The following CCT8L2 variants were observed in gnomAD, a reference collection of about 807,000 sequenced individuals.
CCT8L2 encodes chaperonin containing TCP1 subunit 8 like 2.
Under a neutral mutation model 31.5 loss-of-function variants are expected in CCT8L2, and 29 were observed. That is an observed-to-expected ratio of 0.92 (90% CI 0.68 to 1.25). The LOEUF (loss-of-function observed/expected upper bound fraction) is 1.25, where lower values mean the gene tolerates loss of function less well. Among genes scored for constraint, CCT8L2 ranks in the 50% most tolerant of loss-of-function variants. The pLI is 0.00. For synonymous variants in CCT8L2, 256 were observed against 290.1 expected, an observed-to-expected ratio of 0.88 and a Z score of 1.19; for missense variants, 589 against 695.7, an observed-to-expected ratio of 0.85 and a Z score of 1.73.
In CCT8L2 at chr22:16,590,792, A is replaced by C; in HGVS notation, c.*85T>G. The C allele has an allele frequency of 2.0e-6, 2 of 996,090 alleles. No individual in the cohort carries two copies. The highest frequency in any genetic ancestry group is 1.6e-5 in the South Asian group (1 of 62,494). The allele number at this position is 996,090 out of a possible 1,614,324, so 61.7% of individuals were successfully genotyped here. A position where few individuals can be genotyped will look rare whatever the true frequency, so the allele number is the denominator to read the frequency against. On this transcript the variant is annotated 3_prime_UTR_variant, in exon 1 of 1. Transcript: ENST00000359963. ...GTTTTTATTTAAAGAAAGTGAATCA[A>C]GTACCAAACACGGAATAAAGGCAAA...
chr22:16,592,544 T>C lies in CCT8L2; in HGVS notation c.7A>G (p.Ser3Gly). 2 of 1,607,960 alleles carry C rather than the reference T, an allele frequency of 1.2e-6. No homozygotes were observed. Among genetic ancestry groups the C allele is most frequent in the East Asian group, 2.2e-5 (1 of 44,802 alleles). ...AGCTCCAGGGCTGAAGGGACTGTGC[T>C]GTCCATGGCCCGCAGAGAGAGGAGA... Reference protein sequence around the residue: MDSTVPSALELPQ... With the variant: MDGTVPSALELPQ... The change falls in exon 1 of 1, where the codon AGC becomes GGC. Residue 3 changes from serine to glycine, a missense_variant. Ser to Gly is a moderately conservative substitution (Grantham distance 56). Coordinates refer to ENST00000359963, the MANE Select transcript of CCT8L2 (RefSeq NM_014406.5).
Position 16,591,983 on chromosome 22 carries a change from C to T in CCT8L2, c.568G>A (p.Ala190Thr), listed in dbSNP as rs748747595. The stretch of plus-strand genomic sequence containing the variant: ...AAGCTGCCGTCTAGTTCCTTGATAG[C>T]CCAGCAGGCGTGGGCCACCAGCTTG... Reference protein sequence around the residue: ...LTKLVAHACWAIKELDGSFKP... With the variant: ...LTKLVAHACWTIKELDGSFKP... The change falls in exon 1 of 1, where the codon GCT (alanine) becomes ACT (threonine). Residue 190 changes from alanine to threonine, a missense_variant. Coordinates refer to ENST00000359963, the MANE Select transcript of CCT8L2 (RefSeq NM_014406.5). 96 of 1,614,056 alleles carry T rather than the reference C, an allele frequency of 5.9e-5. No homozygotes were observed. The highest frequency in any genetic ancestry group is 7.6e-5 in the Non-Finnish European group (90 of 1,180,034).
In CCT8L2 at chr22:16,591,653, C is replaced by T. The variant is rs199723440; in HGVS notation, c.898G>A (p.Asp300Asn). 61 of 1,614,092 alleles carry T rather than the reference C, an allele frequency of 3.8e-5. No individual in the cohort carries two copies. The highest frequency in any genetic ancestry group is 3.3e-4 in the Middle Eastern group (2 of 6,084). The part of the protein sequence containing the change: ...INVAVVLGEV[D>N]EETLTLADKY... ...TCCGCCAGTGTGAGGGTCTCCTCGTCGACCTCCCCCAACACCACTGCCACA... is the reference window on the plus strand; with the variant it reads ...TCCGCCAGTGTGAGGGTCTCCTCGTTGACCTCCCCCAACACCACTGCCACA... Residue 300 changes from aspartate to asparagine, a missense_variant, in exon 1 of 1, where the codon GAC (aspartate) becomes AAC (asparagine). Coordinates refer to ENST00000359963, the MANE Select transcript of CCT8L2 (RefSeq NM_014406.5).
Position 16,591,957 on chromosome 22 carries a change from G to C in CCT8L2, c.594C>G (p.Phe198Leu). The C allele has an allele frequency of 8.7e-6, 14 of 1,614,136 alleles. No homozygotes were observed. The highest frequency in any genetic ancestry group is 1.1e-5 in the Non-Finnish European group (13 of 1,180,010). ...CWAIKELDGS[F>L]KPERVGVCAL... Reference sequence around the variant, plus strand: ...CGCACACCCCAACACGCTCAGGCTTGAAGCTGCCGTCTAGTTCCTTGATAG... The same window carrying C: ...CGCACACCCCAACACGCTCAGGCTTCAAGCTGCCGTCTAGTTCCTTGATAG... Residue 198 changes from phenylalanine (F) to leucine (L), a missense_variant, in exon 1 of 1, where the codon TTC (phenylalanine) becomes TTG (leucine). Coordinates refer to ENST00000359963, the MANE Select transcript of CCT8L2 (RefSeq NM_014406.5).
At position 16,591,231 on chromosome 22, in the gene CCT8L2, T is replaced by C; in HGVS notation, c.1320A>G (p.Ala440=). ...GAAGATACTTCAGGGCCCAGGCAAA[T>C]GCTAGGAATGCAGGCCCACTGGGCC... ...LEGPSGPAFL[A]FAWALKYLPK... Residue 440 remains alanine, a synonymous_variant, in exon 1 of 1, where the codon GCA becomes GCG. Transcript: ENST00000359963. 1.9e-6 allele frequency: 3 copies of C among 1,614,050 alleles called. No individual in the cohort carries two copies. The highest frequency in any genetic ancestry group is 2.5e-6 in the Non-Finnish European group (3 of 1,179,880).
Position 16,592,019 on chromosome 22 carries a change from C to T in CCT8L2, c.532G>A (p.Asp178Asn), listed in dbSNP as rs1383417346. ...TGGGCCACCAGCTTGGTCAAGTGGT[C>T]CATGGGGGACAGGGTGTGGGTATTC... ...VMNTHTLSPM[D>N]HLTKLVAHAC... Residue 178 changes from aspartate to asparagine, a missense_variant, in exon 1 of 1, where the codon GAC (aspartate) becomes AAC (asparagine). Coordinates refer to ENST00000359963, the MANE Select transcript of CCT8L2 (RefSeq NM_014406.5). 1 of 1,614,144 alleles carries T rather than the reference C, an allele frequency of 6.2e-7. No individual in the cohort carries two copies. Among genetic ancestry groups the T allele is most frequent in the Admixed American group, 1.7e-5 (1 of 60,024 alleles).
chr22:16,592,619 C>T lies in CCT8L2; in HGVS notation c.-69G>A, dbSNP rs1354827913. 6.6e-6 allele frequency: 9 copies of T among 1,355,554 alleles called. No individual in the cohort carries two copies. The highest frequency in any genetic ancestry group is 9.1e-6 in the Non-Finnish European group (9 of 992,330). The allele number at this position is 1,355,554 out of a possible 1,614,324, so 84.0% of individuals were successfully genotyped here. ...TCTAGAAACAGCAGCTGGGGCACTC[C>T]TGACACCGATCGTTGAAAGTACTCA... is the stretch of plus-strand genomic sequence containing the variant. On this transcript the variant is annotated 5_prime_UTR_variant, in exon 1 of 1. Transcript: ENST00000359963.
rs1451460295 is a variant in CCT8L2 at position 16,591,516 on chromosome 22, G to A, written c.1035C>T (p.Gly345=). 2.5e-6 allele frequency: 4 copies of A among 1,614,064 alleles called. No individual in the cohort carries two copies. Among genetic ancestry groups the A allele is most frequent in the African/African-American group, 2.7e-5 (2 of 74,922 alleles). ...LPRLLPPQRP[G]KCQRVYRQEL... ...CCTGCCTGTAAACCCTCTGGCACTT[G>A]CCTGGCCTCTGGGGAGGGAGCAGAC... Residue 345 remains glycine (G), a synonymous_variant, in exon 1 of 1, where the codon GGC becomes GGT. Transcript: ENST00000359963.
chr22:16,591,648 C>G lies in CCT8L2; in HGVS notation c.903G>C (p.Glu301Asp). Residue 301 changes from glutamate (E) to aspartate (D), a missense_variant, in exon 1 of 1, where the codon GAG becomes GAC. By Grantham distance (45) the Glu-to-Asp change is conservative (BLOSUM62 2). Coordinates refer to ENST00000359963, the MANE Select transcript of CCT8L2 (RefSeq NM_014406.5). ...NVAVVLGEVD[E>D]ETLTLADKYG... Reference sequence around the variant, plus strand: ...ACTTGTCCGCCAGTGTGAGGGTCTCCTCGTCGACCTCCCCCAACACCACTG... The same window carrying G: ...ACTTGTCCGCCAGTGTGAGGGTCTCGTCGTCGACCTCCCCCAACACCACTG... 2 of 1,614,212 alleles carry G rather than the reference C, an allele frequency of 1.2e-6. No homozygotes were observed. Among genetic ancestry groups the G allele is most frequent in the South Asian group, 1.1e-5 (1 of 91,080 alleles).
Position 16,592,268 on chromosome 22 carries a change from G to T in CCT8L2, c.283C>A (p.Gln95Lys). 1.2e-6 allele frequency: 2 copies of T among 1,614,266 alleles called. No homozygotes were observed. Among genetic ancestry groups the T allele is most frequent in the Non-Finnish European group, 1.7e-6 (2 of 1,180,056 alleles). Residue 95 changes from glutamine to lysine, a missense_variant, in exon 1 of 1, where the codon CAA (glutamine) becomes AAA (lysine). By Grantham distance (53) the Gln-to-Lys change is moderately conservative. Coordinates refer to ENST00000359963, the MANE Select transcript of CCT8L2 (RefSeq NM_014406.5). ...TCCCCACTATTCTCTGCCTGGGTTT[G>T]TCCTGCTTCCCGGAGGAGCCATGCT... ...PAAWLLREAG[Q>K]TQAENSGDGT...
chr22:16,592,384 C>T lies in CCT8L2; in HGVS notation c.167G>A (p.Arg56Gln), dbSNP rs567911712. Residue 56 changes from arginine (R) to glutamine (Q), a missense_variant, in exon 1 of 1, where the codon CGG becomes CAG. By Grantham distance (43) the Arg-to-Gln change is conservative. Transcript: ENST00000359963. The stretch of plus-strand genomic sequence containing the variant: ...TTTCATGGTCACCAGGAACTTCTGC[C>T]GGCCGTGGGGGCCATAGCAAGGCCG... Reference protein sequence around the residue: ...VIRPCYGPHGRQKFLVTMKGE... With the variant: ...VIRPCYGPHGQQKFLVTMKGE... 117 of 1,614,156 alleles carry T rather than the reference C, an allele frequency of 7.2e-5. No homozygotes were observed. The East Asian group carries it at 2.1e-3, about 29-fold the overall frequency.
At position 16,591,169 on chromosome 22, in the gene CCT8L2, G is replaced by A; in HGVS notation, c.1382C>T (p.Ser461Leu). The change falls in exon 1 of 1, where the codon TCA becomes TTA. Residue 461 changes from serine (S) to leucine (L), a missense_variant. Ser to Leu is a moderately radical substitution (Grantham distance 145). Transcript: ENST00000359963. Reference sequence around the variant, plus strand: ...TCCACTCATTTCTGCCATCACGTCTGAGACAGCTAAGCCTGCATTCTCTGC... The same window carrying A: ...TCCACTCATTTCTGCCATCACGTCTAAGACAGCTAAGCCTGCATTCTCTGC... The part of the protein sequence containing the change: ...TLAENAGLAV[S>L]DVMAEMSGVH... 6.2e-7 allele frequency: 1 copy of A among 1,614,032 alleles called. No individual in the cohort carries two copies. The highest frequency in any genetic ancestry group is 8.5e-7 in the Non-Finnish European group (1 of 1,179,872).
At position 16,591,516 on chromosome 22, in the gene CCT8L2, G is replaced by T. The variant is rs1451460295; in HGVS notation, c.1035C>A (p.Gly345=). Residue 345 remains glycine (G), a synonymous_variant, in exon 1 of 1, where the codon GGC becomes GGA. Transcript: ENST00000359963. ...LPRLLPPQRP[G]KCQRVYRQEL... is the part of the protein sequence containing the mutation. ...CCTGCCTGTAAACCCTCTGGCACTTGCCTGGCCTCTGGGGAGGGAGCAGAC... is the reference window on the plus strand; with the variant it reads ...CCTGCCTGTAAACCCTCTGGCACTTTCCTGGCCTCTGGGGAGGGAGCAGAC... The T allele has an allele frequency of 3.1e-6, 5 of 1,614,180 alleles. No individual in the cohort carries two copies. Among genetic ancestry groups the T allele is most frequent in the Non-Finnish European group, 4.2e-6 (5 of 1,180,038 alleles).
In CCT8L2 at chr22:16,591,811, G is replaced by A. The variant is rs771934714; in HGVS notation, c.740C>T (p.Pro247Leu). 4.3e-6 allele frequency: 7 copies of A among 1,614,034 alleles called. No homozygotes were observed. The highest frequency in any genetic ancestry group is 3.3e-5 in the Admixed American group (2 of 60,002). The change falls in exon 1 of 1, where the codon CCC becomes CTC. Residue 247 changes from proline to leucine, a missense_variant. Transcript: ENST00000359963. Reference sequence around the variant, plus strand: ...TGCATTTGGATGGGCAGGACCAAAGGGGCAAGCAAAGAGAGCCACCCTGGC... The same window carrying A: ...TGCATTTGGATGGGCAGGACCAAAGAGGCAAGCAAAGAGAGCCACCCTGGC... ...SGARVALFAC[P>L]FGPAHPNAPA...
chr22:16,590,788 A>G lies in CCT8L2; in HGVS notation c.*89T>C. ...TCATGTTTTTATTTAAAGAAAGTGA[A>G]TCAAGTACCAAACACGGAATAAAGG... On this transcript the variant is annotated 3_prime_UTR_variant, in exon 1 of 1. Coordinates refer to ENST00000359963, the MANE Select transcript of CCT8L2 (RefSeq NM_014406.5). The G allele has an allele frequency of 1.0e-6, 1 of 967,100 alleles. No individual in the cohort carries two copies. Among genetic ancestry groups the G allele is most frequent in the Non-Finnish European group, 1.6e-6 (1 of 636,122 alleles). The allele number at this position is 967,100 out of a possible 1,614,324, so 59.9% of individuals were successfully genotyped here. A position where few individuals can be genotyped will look rare whatever the true frequency, so the allele number is the denominator to read the frequency against.
chr22:16,592,649 G>A lies in CCT8L2; in HGVS notation c.-99C>T, dbSNP rs2059595583. On this transcript the variant is annotated 5_prime_UTR_variant, in exon 1 of 1. Coordinates refer to ENST00000359963, the MANE Select transcript of CCT8L2 (RefSeq NM_014406.5). ...ACCGATCGTTGAAAGTACTCAAGAG[G>A]TCAGTGGAAGCAAGGAGCCAAATGC... The A allele has an allele frequency of 2.9e-6, 3 of 1,047,538 alleles. No homozygotes were observed. Among genetic ancestry groups the A allele is most frequent in the Non-Finnish European group, 4.1e-6 (3 of 726,486 alleles). 64.9% of individuals were successfully genotyped at this position (1,047,538 alleles called of 1,614,324 possible). A position where few individuals can be genotyped will look rare whatever the true frequency, so the allele number is the denominator to read the frequency against.
In CCT8L2 at chr22:16,591,186, A is replaced by G. The variant is rs1436798325; in HGVS notation, c.1365T>C (p.Asn455=). Residue 455 remains asparagine (N), a synonymous_variant, in exon 1 of 1, where the codon AAT becomes AAC. Coordinates refer to ENST00000359963, the MANE Select transcript of CCT8L2 (RefSeq NM_014406.5). ...LKYLPKTLAE[N]AGLAVSDVMA... ...TCACGTCTGAGACAGCTAAGCCTGCATTCTCTGCCAAAGTTTTAGGAAGAT... is the reference window on the plus strand; with the variant it reads ...TCACGTCTGAGACAGCTAAGCCTGCGTTCTCTGCCAAAGTTTTAGGAAGAT... 7 of 1,614,052 alleles carry G rather than the reference A, an allele frequency of 4.3e-6. No homozygotes were observed. Among genetic ancestry groups the G allele is most frequent in the Non-Finnish European group, 5.9e-6 (7 of 1,179,884 alleles).
At position 16,590,793 on chromosome 22, in the gene CCT8L2, G is replaced by C; in HGVS notation, c.*84C>G. The C allele has an allele frequency of 9.9e-7, 1 of 1,012,266 alleles. No homozygotes were observed. Among genetic ancestry groups the C allele is most frequent in the South Asian group, 1.6e-5 (1 of 62,926 alleles). 62.7% of individuals were successfully genotyped at this position (1,012,266 alleles called of 1,614,324 possible). ...TTTTTATTTAAAGAAAGTGAATCAA[G>C]TACCAAACACGGAATAAAGGCAAAC... On this transcript the variant is annotated 3_prime_UTR_variant, in exon 1 of 1. Transcript: ENST00000359963.
rs778618521 is a variant in CCT8L2, at chr22:16,592,556, G to T, written c.-6C>A. The T allele has an allele frequency of 1.9e-6, 3 of 1,589,210 alleles. No homozygotes were observed. Among genetic ancestry groups the T allele is most frequent in the South Asian group, 1.1e-5 (1 of 87,864 alleles). ...GAAGGGACTGTGCTGTCCATGGCCC[G>T]CAGAGAGAGGAGAGGCCACCGTGGG... On this transcript the variant is annotated 5_prime_UTR_variant, in exon 1 of 1. Transcript: ENST00000359963.
Sources: allele counts gnomAD v4.1 joint callset, GRCh38; gene constraint gnomAD v4.1.1; transcripts MANE v1.5; gene names NCBI Gene and HGNC (gene_info 2026-07-23, HGNC 2026-07-21).